Variants in SLX9 observed in about 807,000 individuals in gnomAD.
SLX9 encodes the protein ribosome biogenesis protein SLX9 homolog.
SLX9 carries 19 observed loss-of-function variants against 20.8 expected under a neutral mutation model. That is an observed-to-expected ratio of 0.91 (90% CI 0.64 to 1.34). The LOEUF (loss-of-function observed/expected upper bound fraction) is 1.34, where lower values mean the gene tolerates loss of function less well. Among genes scored for constraint, SLX9 ranks in the 40% most tolerant of loss-of-function variants. SLX9 has a pLI of 0.00. For missense variants in SLX9, 299 were observed against 322.2 expected (o/e 0.93, Z 0.55); for synonymous variants, 113 against 137.1 (o/e 0.82, Z 1.23).
chr21:44,955,147 CAG>C (rs931896971), intron 2 of SLX9, among the ~76,000 whole-genome samples: 4 of 149,508 alleles, frequency 2.7e-5, no homozygotes, highest in African/African-American at 7.4e-5. Flanking sequence ...ACCCAGAAGG[CAG>C]AGATTGCAAG....
At chr21:44,958,733 C>T (rs1478891339) in intron 2 of SLX9, among the ~76,000 whole-genome samples, 1 of 152,200 alleles carries the variant, frequency 6.6e-6, no homozygotes, top group African/African-American at 2.4e-5. Context: ...TCCAGGCGGC[C>T]TCTGCTCCAG....
At chr21:44,953,337 G>C (rs1174043310) in intron 2 of SLX9, among the ~76,000 whole-genome samples, 3 of 152,208 alleles carry the variant, frequency 2.0e-5, no homozygotes, top group Admixed American at 6.5e-5. Flanking sequence ...AGGTTCCCTA[G>C]GTGGGGCCCC....
At chr21:44,962,068 TG>T (rs35200509) in intron 3 of SLX9, among the ~76,000 whole-genome samples, 3 of 152,252 alleles carry the variant, frequency 2.0e-5, no homozygotes, top group African/African-American at 7.2e-5. Flanking sequence ...TCTACCAACA[TG>T]GGTTTTTAAA....
At chr21:44,951,051 G>A (rs1193036344) in intron 2 of SLX9, among the ~76,000 whole-genome samples, 1 of 152,084 alleles carries the variant, frequency 6.6e-6, no homozygotes, top group Non-Finnish European at 1.5e-5. Flanking sequence ...AGCCTTCATC[G>A]GATTAAAGTC....
At chr21:44,949,287 T>C (rs1282017002) in intron 2 of SLX9, among the ~76,000 whole-genome samples, 1 of 152,054 alleles carries the variant, frequency 6.6e-6, no homozygotes, top group Non-Finnish European at 1.5e-5. Context: ...CTGCTCCTGA[T>C]CAGGGAGTGG....
At chr21:44,945,947 A>G (rs2084634616) in intron 2 of SLX9, among the ~76,000 whole-genome samples, 1 of 151,680 alleles carries the variant, frequency 6.6e-6, no homozygotes, top group Non-Finnish European at 1.5e-5. Flanking sequence ...GTTGGCCGGG[A>G]TGGTCTCGAT....
intron 1 of SLX9, among the ~76,000 whole-genome samples, chr21:44,943,435 G>C (rs924647372): frequency 2.0e-5 from 3 of 152,182 alleles, no homozygotes; most frequent in Admixed American, 6.5e-5. Flanking sequence ...AGAACCAGGA[G>C]TGAAGCCCGT....
intron 3 of SLX9, among the ~76,000 whole-genome samples, chr21:44,964,418 A>G (rs370407552): frequency 6.6e-6 from 1 of 152,174 alleles, no homozygotes; most frequent in Non-Finnish European, 1.5e-5. Flanking sequence ...TTATGAGGAC[A>G]AGCTTGCAAA....
chr21:44,969,500 C>T (rs1479219170), intron 4 of SLX9, among the ~76,000 whole-genome samples: 1 of 152,204 alleles, frequency 6.6e-6, no homozygotes, highest in East Asian at 1.9e-4. Flanking sequence ...GCCCTGAGAG[C>T]CTCCTGTCGC....
chr21:44,950,122 C>T (rs1490900769), intron 2 of SLX9, among the ~76,000 whole-genome samples: 2 of 149,796 alleles, frequency 1.3e-5, no homozygotes, highest in African/African-American at 4.9e-5. Flanking sequence ...TTTAAGATAA[C>T]TGGAAAATGG....
chr21:44,949,378 A>G (rs1381491790), intron 2 of SLX9, among the ~76,000 whole-genome samples: 1 of 151,894 alleles, frequency 6.6e-6, no homozygotes, highest in Non-Finnish European at 1.5e-5. Context: ...GATCCTAGGG[A>G]TGCAGCCCAG....
chr21:44,952,230 G>A (rs1030251836), intron 2 of SLX9, among the ~76,000 whole-genome samples: 11 of 152,212 alleles, frequency 7.2e-5, no homozygotes, highest in Non-Finnish European at 1.3e-4. Flanking sequence ...GGATCTCACC[G>A]GCTTGCCGAG....
At chr21:44,953,194 GC>G (rs910934399) in intron 2 of SLX9, among the ~76,000 whole-genome samples, 1 of 152,228 alleles carries the variant, frequency 6.6e-6, no homozygotes, top group Non-Finnish European at 1.5e-5. Flanking sequence ...GGCAGCGAGT[GC>G]CCCCCGGCTA....
chr21:44,976,045 G>A (rs959847844), intron 5 of SLX9, among the ~76,000 whole-genome samples: 6 of 152,250 alleles, frequency 3.9e-5, no homozygotes, highest in East Asian at 1.9e-4. Context: ...GGCAGAGCCC[G>A]TCTGGGAGCT....
At chr21:44,974,639 C>T (rs2085228848) in intron 5 of SLX9, among the ~76,000 whole-genome samples, 1 of 152,204 alleles carries the variant, frequency 6.6e-6, no homozygotes, top group Non-Finnish European at 1.5e-5. Flanking sequence ...GATCAAGGCT[C>T]ACTGCAGCCT....
At chr21:44,965,553 G>A (rs1021136106) in intron 3 of SLX9, among the ~76,000 whole-genome samples, 1 of 152,184 alleles carries the variant, frequency 6.6e-6, no homozygotes. Flanking sequence ...TTTCTCATGC[G>A]TGGGCAGTGA....
intron 3 of SLX9, among the ~76,000 whole-genome samples, chr21:44,964,553 C>T (rs995513708): frequency 3.3e-5 from 5 of 152,068 alleles, no homozygotes; most frequent in Non-Finnish European, 7.4e-5. Flanking sequence ...GGTAGCGCCT[C>T]TATGCTCCAC....
intron 4 of SLX9, chr21:44,969,294 C>T (rs776430949): frequency 2.7e-5 from 12 of 442,494 alleles, no homozygotes; most frequent in Middle Eastern, 7.1e-4. Flanking sequence ...ATGTGATGAC[C>T]GAACATTCCT....
At chr21:44,950,983 T>A (rs1181115624) in intron 2 of SLX9, among the ~76,000 whole-genome samples, 1 of 152,158 alleles carries the variant, frequency 6.6e-6, no homozygotes, top group Non-Finnish European at 1.5e-5. Flanking sequence ...CTGGTCCCTG[T>A]CCTGGAGCAC....
Sources: gnomAD v4.1 joint callset for allele counts (sites outside exome capture counted in the v4.1 genomes callset) on GRCh38, gnomAD v4.1.1 for gene constraint, MANE v1.5 for transcripts, NCBI Gene and HGNC (gene_info 2026-07-23, HGNC 2026-07-21) for gene names.